The following OSBPL9 variants were observed in gnomAD, a reference collection of about 807,000 sequenced individuals.
OSBPL9 encodes oxysterol binding protein like 9, also known as oxysterol-binding protein-related protein 9.
A neutral mutation model predicts 106.6 loss-of-function variants in OSBPL9; 40 were observed. The ratio of observed to expected loss-of-function variants is 0.38; its 90% CI spans 0.29 to 0.49. The LOEUF is 0.49. OSBPL9 is among the 20% of genes least tolerant of loss of function. The pLI is 0.97. For synonymous variants in OSBPL9, 269 were observed against 295.4 expected (o/e 0.91, Z 0.92); for missense variants, 609 against 887.2 (o/e 0.69, Z 3.98).
At chr1:51,559,432 C>CACAT in the OSBPL9 span, among the ~76,000 whole-genome samples, 1 of 125,798 alleles carries the variant, frequency 7.9e-6, no homozygotes, top group South Asian at 2.3e-4. Flanking sequence ...TACAGACACA[C>CACAT]ACATACATAC....
At chr1:51,669,318 T>C (rs1326659309) in intron 2 of OSBPL9, 116 bp from the exon 3 acceptor site, 1 of 810,482 alleles carries the variant, frequency 1.2e-6, no homozygotes, top group Non-Finnish European at 2.0e-6. Context: ...TCCTCTTTTC[T>C]GTGTCTAGCC....
At chr1:51,542,016 T>C in the OSBPL9 span, among the ~76,000 whole-genome samples, 1 of 152,152 alleles carries the variant, frequency 6.6e-6, no homozygotes, top group Non-Finnish European at 1.5e-5. Context: ...GCCTCTTGTG[T>C]ATCTAGGACT....
intron 3 of OSBPL9, among the ~76,000 whole-genome samples, chr1:51,712,267 C>T (rs1370465847): frequency 6.6e-6 from 1 of 152,210 alleles, no homozygotes; most frequent in African/African-American, 2.4e-5. Context: ...TCAGGCGTGG[C>T]GGCGCGCGCC....
the OSBPL9 span, chr1:51,561,110 G>A: frequency 6.6e-6 from 1 of 152,174 alleles, no homozygotes; most frequent in Non-Finnish European, 1.5e-5. Flanking sequence ...AGTGGTGCAT[G>A]CCTGTAGTCC....
chr1:51,720,237 G>A (rs988415285), intron 4 of OSBPL9, among the ~76,000 whole-genome samples: 1 of 152,138 alleles, frequency 6.6e-6, no homozygotes, highest in African/African-American at 2.4e-5. Context: ...ACAGGAGATT[G>A]TTGTAGATTC....
intron 3 of OSBPL9, among the ~76,000 whole-genome samples, chr1:51,681,052 T>C (rs1305985199): frequency 6.6e-6 from 1 of 152,208 alleles, no homozygotes; most frequent in Non-Finnish European, 1.5e-5. Flanking sequence ...TTTTATATCC[T>C]CCTTTTTTGA....
chr1:51,617,005 G>A, upstream of OSBPL9: 1 of 1,513,312 alleles, frequency 6.6e-7, no homozygotes, highest in Non-Finnish European at 8.8e-7. Flanking sequence ...CACCGCCCAG[G>A]ACCCGCCCAG....
intron 2 of OSBPL9, among the ~76,000 whole-genome samples, chr1:51,608,608 T>C (rs898415041): frequency 3.3e-5 from 5 of 151,388 alleles, no homozygotes; most frequent in African/African-American, 1.2e-4. Flanking sequence ...TGGCCTTCAA[T>C]GATTATTTTA....
chr1:51,765,140 C>T (rs1672305697), intron 11 of OSBPL9, among the ~76,000 whole-genome samples: 1 of 152,160 alleles, frequency 6.6e-6, no homozygotes, highest in African/African-American at 2.4e-5. Flanking sequence ...GATTAGATGG[C>T]AGGCTTCTTT....
the OSBPL9 span, among the ~76,000 whole-genome samples, chr1:51,560,025 T>G: frequency 2.0e-5 from 3 of 152,230 alleles, no homozygotes; most frequent in Admixed American, 1.3e-4. Flanking sequence ...ATGACCTCCT[T>G]GTACTCCTAT....
chr1:51,745,576 A>G lies in OSBPL9; in HGVS notation c.359A>G (p.Asp120Gly), dbSNP rs1296682076. The change falls in exon 5 of 24, where the codon GAT (aspartate) becomes GGT (glycine). Residue 120 changes from aspartate to glycine, a missense_variant. Around this residue, in one of 5 missense-constraint regions of OSBPL9, gnomAD observed 72 missense variants for 140.5 expected, o/e 0.51. Transcript: ENST00000428468. Reference protein sequence around the residue: ...SGFVPSVQDFDKKLTEADAYL... With the variant: ...SGFVPSVQDFGKKLTEADAYL... ...TTTGTTCCTAGTGTCCAAGATTTTG[A>G]TAAGAAACTTACAGAAGCTGATGCT... 5.0e-6 allele frequency: 8 copies of G among 1,608,582 alleles called. No homozygotes were observed. In the South Asian group the frequency reaches 6.7e-5, roughly 13 times the overall value.
chr1:51,554,765 C>T, the OSBPL9 span, among the ~76,000 whole-genome samples: 1 of 152,182 alleles, frequency 6.6e-6, no homozygotes, highest in Non-Finnish European at 1.5e-5. Flanking sequence ...TGAGCAAACT[C>T]TTCATCATTT....
intron 4 of OSBPL9, chr1:51,730,267 T>G (rs915167714): frequency 2.6e-6 from 2 of 769,358 alleles, no homozygotes; most frequent in Non-Finnish European, 3.5e-6. Context: ...GGAGGAGGTC[T>G]CTTTTTTTCT....
At chr1:51,681,475 T>C (rs1162397590) in intron 3 of OSBPL9, among the ~76,000 whole-genome samples, 4 of 152,204 alleles carry the variant, frequency 2.6e-5, no homozygotes. Flanking sequence ...TATTTACTGT[T>C]TTCAGCATTC....
At chr1:51,749,934 G>T (rs1668888075) in intron 7 of OSBPL9, among the ~76,000 whole-genome samples, 1 of 149,748 alleles carries the variant, frequency 6.7e-6, no homozygotes, top group South Asian at 2.1e-4. Flanking sequence ...TTAACAATTT[G>T]TGGCATTCGT....
intron 2 of OSBPL9, among the ~76,000 whole-genome samples, chr1:51,611,656 G>C (rs1296011254): frequency 6.6e-6 from 1 of 152,182 alleles, no homozygotes; most frequent in East Asian, 1.9e-4. Flanking sequence ...AGAAACACAA[G>C]CCATTCTTGT....
intron 3 of OSBPL9, among the ~76,000 whole-genome samples, chr1:51,704,416 G>A (rs1657983003): frequency 6.6e-6 from 1 of 152,202 alleles, no homozygotes; most frequent in African/African-American, 2.4e-5. Flanking sequence ...AGATTTTCTA[G>A]TTTATTTGCG....
the OSBPL9 span, among the ~76,000 whole-genome samples, chr1:51,543,094 G>A: frequency 2.6e-5 from 4 of 152,176 alleles, no homozygotes; most frequent in African/African-American, 9.7e-5. Context: ...CTGGGGCAAG[G>A]ATTCCTGGTC....
chr1:51,722,443 T>C (rs746241451), intron 4 of OSBPL9, among the ~76,000 whole-genome samples: 1 of 152,258 alleles, frequency 6.6e-6, no homozygotes, highest in Non-Finnish European at 1.5e-5. Context: ...CCTGTCATTG[T>C]ACTTTCCTAC....
Sources: allele counts gnomAD v4.1 joint callset (sites outside exome capture counted in the v4.1 genomes callset), GRCh38; gene constraint gnomAD v4.1.1; regional missense constraint gnomAD v4.1.1; transcripts MANE v1.5; gene names NCBI Gene and HGNC (gene_info 2026-07-23, HGNC 2026-07-21).